The following SLC25A10 variants were observed in gnomAD, a reference collection of about 807,000 sequenced individuals.
SLC25A10 encodes the protein mitochondrial dicarboxylate carrier.
A neutral mutation model predicts 40.4 loss-of-function variants in SLC25A10; 32 were observed. The observed-to-expected ratio is 0.79, with a 90% CI of 0.60 to 1.06. The LOEUF (loss-of-function observed/expected upper bound fraction) is 1.06, where lower values mean the gene tolerates loss of function less well. Ranked by LOEUF, SLC25A10 falls within the 50% of genes least tolerant of loss-of-function variation. The pLI is 0.00. For missense variants in SLC25A10, 394 were observed against 402.6 expected (o/e 0.98, Z 0.18); for synonymous variants, 181 against 171.1 (o/e 1.06, Z -0.45).
Position 81,720,402 on chromosome 17 carries a change from G to T in SLC25A10, c.*325G>T, listed in dbSNP as rs535594755. The T allele has an allele frequency of 2.1e-3, 2,965 of 1,392,008 alleles. 6 individuals are homozygous for T. The highest frequency in any genetic ancestry group is 3.3e-3 in the Admixed American group (98 of 29,570). 86.2% of individuals were successfully genotyped at this position (1,392,008 alleles called of 1,614,324 possible). A position where few individuals can be genotyped will look rare whatever the true frequency, so the allele number is the denominator to read the frequency against. On this transcript the variant is annotated 3_prime_UTR_variant, in exon 11 of 11. Coordinates refer to ENST00000350690, the MANE Select transcript of SLC25A10 (RefSeq NM_012140.5). ...TCCCCTCTCCTGGGCCAGGGGAGGG[G>T]TATTATCCCTGCCTCCTGCCCCCGA...
chr17:81,720,164 C>T lies in SLC25A10; in HGVS notation c.*87C>T, dbSNP rs866255452. 7 of 1,567,940 alleles carry T rather than the reference C, an allele frequency of 4.5e-6. No homozygotes were observed. Among genetic ancestry groups the T allele is most frequent in the African/African-American group, 1.4e-5 (1 of 73,890 alleles). On this transcript the variant is annotated 3_prime_UTR_variant, in exon 11 of 11. Coordinates refer to ENST00000350690, the MANE Select transcript of SLC25A10 (RefSeq NM_012140.5). ...AGCCCAGCACCTGCTCCTGGGGCCA[C>T]GACCTCCCTGGCCGTGGCCACCCGT...
At chr17:81,715,901 G>C in intron 4 of SLC25A10, 108 bp from the exon 5 acceptor site, 1 of 1,425,822 alleles carries the variant, frequency 7.0e-7, no homozygotes, top group East Asian at 2.4e-5. Context: ...GAGCCCCGGC[G>C]TGCCCTGTCC....
At position 81,719,203 on chromosome 17, in the gene SLC25A10, G is replaced by A. The variant is rs534673083; in HGVS notation, c.706-628G>A. On this transcript the variant is annotated intron_variant, in intron 9 of 10. Transcript: ENST00000350690. The stretch of plus-strand genomic sequence containing the variant: ...TTGCCTCGGCCTCCCAAAGTGCTGG[G>A]ATTACAGGCACGTGCCACCACTCCT... 2.6e-5 allele frequency among the ~76,000 whole-genome samples: 4 copies of A among 151,810 alleles called. No homozygotes were observed. In the South Asian group the frequency reaches 8.3e-4, roughly 32 times the overall value.
chr17:81,715,580 G>C lies in SLC25A10; in HGVS notation c.316G>C (p.Gly106Arg), dbSNP rs1448874945. The stretch of plus-strand genomic sequence containing the variant: ...CCCCTTCCACGAGAAGGTGTTGCTG[G>C]GCTCCGTCAGCGGTGAGCTGCCGGG... ...PLPFHEKVLLGSVSGLAGGFV... is the reference protein window; with the variant it reads ...PLPFHEKVLLRSVSGLAGGFV... The change falls in exon 3 of 11, where the codon GGC (glycine) becomes CGC (arginine). Residue 106 changes from glycine (G) to arginine (R), a missense_variant. Gly to Arg is a moderately radical substitution (Grantham distance 125). Transcript: ENST00000350690. The C allele has an allele frequency of 6.2e-7, 1 of 1,612,858 alleles. No homozygotes were observed. Among genetic ancestry groups the C allele is most frequent in the Non-Finnish European group, 8.5e-7 (1 of 1,179,814 alleles).
In SLC25A10 at chr17:81,715,082, G is replaced by A. The variant is rs537246412; in HGVS notation, c.213+10G>A. Reference sequence around the variant, plus strand: ...CTCGCTGTGCAGACAGGTGCGTGGTGTGTGCCAGCCTTGGGCTCCCAGACT... The same window carrying A: ...CTCGCTGTGCAGACAGGTGCGTGGTATGTGCCAGCCTTGGGCTCCCAGACT... On this transcript the variant is annotated intron_variant, in intron 2 of 10. Coordinates refer to ENST00000350690, the MANE Select transcript of SLC25A10 (RefSeq NM_012140.5). 4.6e-5 allele frequency: 74 copies of A among 1,608,314 alleles called. 1 individual carries two copies. The South Asian group carries it at 7.7e-4, about 17-fold the overall frequency.
At chr17:81,718,485 A>G (rs1265902319) in intron 9 of SLC25A10, among the ~76,000 whole-genome samples, 1 of 152,046 alleles carries the variant, frequency 6.6e-6, no homozygotes, top group Non-Finnish European at 1.5e-5. Context: ...AACTGTCTCA[A>G]AAAAACAAAA....
chr17:81,714,253 G>T (rs998733968), intron 1 of SLC25A10, among the ~76,000 whole-genome samples: 3 of 152,244 alleles, frequency 2.0e-5, no homozygotes, highest in Non-Finnish European at 4.4e-5. Flanking sequence ...TGGCCTTCCT[G>T]TCTGGCCCTG....
rs550288715 is a variant in SLC25A10, at chr17:81,712,371, CCGG to C, written c.-55_-53del. 125 of 1,136,478 alleles carry C rather than the reference CCGG, an allele frequency of 1.1e-4. No individual in the cohort carries two copies. In the African/African-American group the frequency reaches 1.8e-3, roughly 16 times the overall value. 70.4% of individuals were successfully genotyped at this position (1,136,478 alleles called of 1,614,324 possible). On this transcript the variant is annotated 5_prime_UTR_variant, in exon 1 of 11. Coordinates refer to ENST00000350690, the MANE Select transcript of SLC25A10 (RefSeq NM_012140.5). ...CGCGGGGCGCTGCGGCCGGTACACG[CCGG>C]GGTAGGGCCGGGGTCGGGTTGTGGT...
At chr17:81,714,844 C>T in intron 1 of SLC25A10, 109 bp from the exon 2 acceptor site, 1 of 1,458,816 alleles carries the variant, frequency 6.9e-7, no homozygotes, top group Non-Finnish European at 9.2e-7. Flanking sequence ...CCGGGCAGGG[C>T]CGTGGGAGGC....
rs111639655 is a variant in SLC25A10, at chr17:81,719,487, G to A, written c.706-344G>A. Among the ~76,000 whole-genome samples, 536 of 152,338 alleles carry A rather than the reference G, an allele frequency of 3.5e-3. 6 individuals are homozygous for A. Among genetic ancestry groups the A allele is most frequent in the African/African-American group, 0.011 (470 of 41,570 alleles). On this transcript the variant is annotated intron_variant, in intron 9 of 10. Coordinates refer to ENST00000350690, the MANE Select transcript of SLC25A10 (RefSeq NM_012140.5). ...ACTCCATGGGGCTTCCACGTTTGCA[G>A]AGCCCATAGCTCTGTCCCTTTTCTT...
Position 81,715,687 on chromosome 17 carries a change from C to T in SLC25A10, c.329-6C>T, listed in dbSNP as rs1303881862. On this transcript the variant is annotated splice_polypyrimidine_tract_variant and splice_region_variant and intron_variant, in intron 3 of 10. Coordinates refer to ENST00000350690, the MANE Select transcript of SLC25A10 (RefSeq NM_012140.5). ...CGGCTCATCTCTGGGGTTTGTGTCA[C>T]CGCAGGTTTAGCTGGAGGCTTCGTG... 25 of 1,613,234 alleles carry T rather than the reference C, an allele frequency of 1.5e-5. No individual in the cohort carries two copies. Among genetic ancestry groups the T allele is most frequent in the Non-Finnish European group, 2.0e-5 (24 of 1,179,938 alleles).
In SLC25A10 at chr17:81,712,389, CGGGTTGTGGTCGGGCCGGGATT is replaced by C. The variant is rs1186600343; in HGVS notation, c.-34_-13del. On this transcript the variant is annotated 5_prime_UTR_variant, in exon 1 of 11. Coordinates refer to ENST00000350690, the MANE Select transcript of SLC25A10 (RefSeq NM_012140.5). ...GTACACGCCGGGGTAGGGCCGGGGT[CGGGTTGTGGTCGGGCCGGGATT>C]GGGCTCTCCTGGGCCATGGCAGCCG... 4.7e-5 allele frequency: 57 copies of C among 1,214,286 alleles called. No homozygotes were observed. The highest frequency in any genetic ancestry group is 5.6e-5 in the Non-Finnish European group (54 of 966,374). The allele number at this position is 1,214,286 out of a possible 1,614,324, so 75.2% of individuals were successfully genotyped here.
chr17:81,716,705 C>G (rs1351450046), intron 5 of SLC25A10, 107 bp from the exon 6 acceptor site: 1 of 1,109,542 alleles, frequency 9.0e-7, no homozygotes, highest in East Asian at 2.6e-5. Context: ...GCCCATGAGG[C>G]CTCTGCTTCC....
At chr17:81,715,972 G>GGCCCCCCCC in intron 4 of SLC25A10, 37 bp from the exon 5 acceptor site, 15 of 1,540,334 alleles carry the variant, frequency 9.7e-6, no homozygotes, top group East Asian at 2.4e-5. Flanking sequence ...ATGCCCCTCG[G>GGCCCCCCCC]CCCGCCCGCC....
chr17:81,717,889 G>A, intron 9 of SLC25A10, 28 bp downstream of exon 9: 1 of 1,556,610 alleles, frequency 6.4e-7, no homozygotes, highest in Non-Finnish European at 8.8e-7. Context: ...TGTGCAGTTG[G>A]GCTGCACAGC....
rs2037481798 is a variant in SLC25A10, at chr17:81,716,119, T to C, written c.419+69T>C. On this transcript the variant is annotated intron_variant, in intron 5 of 10. Transcript: ENST00000350690. Reference sequence around the variant, plus strand: ...GCTCGGGCGGGAGCGGACCCCTGGCTGCTCTGCCGTGACCCAGCTGAGGCT... The same window carrying C: ...GCTCGGGCGGGAGCGGACCCCTGGCCGCTCTGCCGTGACCCAGCTGAGGCT... 3 of 1,496,032 alleles carry C rather than the reference T, an allele frequency of 2.0e-6. No homozygotes were observed. In the Admixed American group the frequency reaches 6.1e-5, roughly 30 times the overall value. The allele number at this position is 1,496,032 out of a possible 1,614,324, so 92.7% of individuals were successfully genotyped here.
At chr17:81,712,854 A>G (rs917762737) in intron 1 of SLC25A10, among the ~76,000 whole-genome samples, 1 of 152,224 alleles carries the variant, frequency 6.6e-6, no homozygotes, top group Non-Finnish European at 1.5e-5. Context: ...CCACCCCCAT[A>G]CATTCAAGAA....
intron 9 of SLC25A10, 59 bp downstream of exon 9, chr17:81,717,920 T>G: frequency 1.5e-6 from 2 of 1,353,680 alleles, no homozygotes; most frequent in Non-Finnish European, 2.1e-6. Context: ...CCCTCACCTC[T>G]CCGGGGGGTG....
chr17:81,716,855 G>A lies in SLC25A10; in HGVS notation c.463G>A (p.Glu155Lys). The change falls in exon 6 of 11, where the codon GAG (glutamate) becomes AAG (lysine). Residue 155 changes from glutamate (E) to lysine (K), a missense_variant and splice_region_variant. Glu to Lys is a moderately conservative substitution (Grantham distance 56, BLOSUM62 1). Coordinates refer to ENST00000350690, the MANE Select transcript of SLC25A10 (RefSeq NM_012140.5). ...LDGLYRVARE[E>K]GLRRLFSGAT... ...TGGCCTGTACCGCGTAGCTCGTGAA[G>A]GTGAGGGGCAGGTGCTGTGCACAGG... 6.2e-7 allele frequency: 1 copy of A among 1,611,356 alleles called. No homozygotes were observed. The highest frequency in any genetic ancestry group is 8.5e-7 in the Non-Finnish European group (1 of 1,179,084).
Sources: allele counts gnomAD v4.1 joint callset (sites outside exome capture counted in the v4.1 genomes callset), GRCh38; gene constraint gnomAD v4.1.1; transcripts MANE v1.5; gene names NCBI Gene and HGNC (gene_info 2026-07-23, HGNC 2026-07-21).